Variants in PDE1A observed in about 807,000 individuals in gnomAD.
PDE1A encodes dual specificity calcium/calmodulin-dependent 3',5'-cyclic nucleotide phosphodiesterase 1A.
A neutral mutation model predicts 61.7 loss-of-function variants in PDE1A; 35 were observed. The observed-to-expected ratio is 0.57, with a 90% CI of 0.43 to 0.75. The LOEUF (loss-of-function observed/expected upper bound fraction) is 0.75, where lower values mean the gene tolerates loss of function less well. Ranked by LOEUF, PDE1A falls within the 30% of genes least tolerant of loss-of-function variation. The pLI is 0.00. For synonymous variants in PDE1A, 232 were observed against 213.2 expected (o/e 1.09, Z -0.77); for missense variants, 597 against 630.6 (o/e 0.95, Z 0.57).
the PDE1A span, among the ~76,000 whole-genome samples, chr2:182,590,780 T>C: frequency 2.6e-5 from 4 of 152,202 alleles, no homozygotes; most frequent in Admixed American, 6.5e-5. Flanking sequence ...AATATATCTG[T>C]TACGTAAAAT....
chr2:182,526,986 C>A (rs1381982598), upstream of PDE1A, among the ~76,000 whole-genome samples: 1 of 150,684 alleles, frequency 6.6e-6, no homozygotes, highest in Non-Finnish European at 1.5e-5. Flanking sequence ...TAAGTTATAA[C>A]AATGTTTAAA....
chr2:182,627,037 T>TTA, the PDE1A span, among the ~76,000 whole-genome samples: 24 of 388 alleles, frequency 0.062, 7 homozygotes, highest in African/African-American at 0.13. Context: ...TATAAATATA[T>TTA]ATATTATTTA....
rs945130489 is a variant in PDE1A, at chr2:182,187,818, C to T, written c.1207+1161G>A. 4.3e-5 allele frequency among the ~76,000 whole-genome samples: 6 copies of T among 139,096 alleles called. No homozygotes were observed. The Admixed American group carries it at 4.6e-4, about 11-fold the overall frequency. The allele number at this position is 139,096 out of a possible 152,430, so 91.3% of individuals were successfully genotyped here. ...GGAGTGCAGTGGTGCAATCTCGGCT[C>T]ACTGCAACCTCTGCCTCCTGGGTTC... On this transcript the variant is annotated intron_variant, in intron 11 of 13. Coordinates refer to ENST00000351439, the Ensembl canonical transcript of PDE1A.
chr2:182,570,454 C>T, the PDE1A span, among the ~76,000 whole-genome samples: 1 of 152,156 alleles, frequency 6.6e-6, no homozygotes. Context: ...AAATCCCTTT[C>T]TTATCACTAA....
intron 2 of PDE1A, among the ~76,000 whole-genome samples, chr2:182,447,863 T>C (rs1009177878): frequency 1.3e-5 from 2 of 152,216 alleles, no homozygotes; most frequent in Admixed American, 6.5e-5. Context: ...GCCTAAACTG[T>C]TTAAACAGGC....
At chr2:182,615,278 C>G in the PDE1A span, among the ~76,000 whole-genome samples, 1 of 152,086 alleles carries the variant, frequency 6.6e-6, no homozygotes, top group Admixed American at 6.5e-5. Context: ...TTGACTCCTC[C>G]TGGTATATGA....
intron 1 of PDE1A, among the ~76,000 whole-genome samples, chr2:182,354,449 T>C (rs1699066706): frequency 6.6e-6 from 1 of 152,166 alleles, no homozygotes; most frequent in Non-Finnish European, 1.5e-5. Flanking sequence ...TGCCTTAAGG[T>C]TGCATTCCAA....
intron 1 of PDE1A, among the ~76,000 whole-genome samples, chr2:182,387,474 G>A (rs528850093): frequency 7.2e-5 from 11 of 152,022 alleles, no homozygotes; most frequent in Admixed American, 5.2e-4. Flanking sequence ...AAGAGAGAGA[G>A]AGGTTGGGTG....
chr2:182,546,035 C>A, the PDE1A span, among the ~76,000 whole-genome samples: 3 of 152,194 alleles, frequency 2.0e-5, no homozygotes, highest in African/African-American at 7.2e-5. Context: ...TTGCTCCCTT[C>A]ATCCCCTCTG....
chr2:182,289,525 A>T (rs1459227565), intron 1 of PDE1A, among the ~76,000 whole-genome samples: 1 of 152,124 alleles, frequency 6.6e-6, no homozygotes, highest in Non-Finnish European at 1.5e-5. Context: ...CTGTGTTTTA[A>T]TATTGTATCT....
At chr2:182,690,708 G>C in the PDE1A span, among the ~76,000 whole-genome samples, 58 of 152,194 alleles carry the variant, frequency 3.8e-4, no homozygotes, top group Non-Finnish European at 5.3e-4. Context: ...AGAAATAAAG[G>C]GTATTCAATT....
the PDE1A span, among the ~76,000 whole-genome samples, chr2:182,716,688 TAC>T: frequency 1.3e-5 from 2 of 152,206 alleles, no homozygotes; most frequent in Non-Finnish European, 2.9e-5. Flanking sequence ...CTCAGTTACT[TAC>T]ACTTTCTCCC....
the PDE1A span, among the ~76,000 whole-genome samples, chr2:182,602,854 T>G: frequency 2.6e-5 from 4 of 152,146 alleles, no homozygotes; most frequent in Non-Finnish European, 5.9e-5. Flanking sequence ...TTCATGAAAC[T>G]GAAGATACCA....
At chr2:182,271,770 G>T (rs191089189) in intron 1 of PDE1A, among the ~76,000 whole-genome samples, 8 of 151,976 alleles carry the variant, frequency 5.3e-5, no homozygotes, top group African/African-American at 1.9e-4. Flanking sequence ...AGACAAAAGG[G>T]TATTTATGGT....
intron 1 of PDE1A, among the ~76,000 whole-genome samples, chr2:182,345,488 C>T (rs991730085): frequency 6.6e-6 from 1 of 152,118 alleles, no homozygotes; most frequent in Non-Finnish European, 1.5e-5. Context: ...TCCATGTTTC[C>T]CTATCTCACT....
chr2:182,214,538 C>A (rs1230764877), intron 7 of PDE1A, among the ~76,000 whole-genome samples: 1 of 151,782 alleles, frequency 6.6e-6, no homozygotes, highest in Non-Finnish European at 1.5e-5. Context: ...TGCAGAGACA[C>A]ACATAGGCTC....
chr2:182,448,130 T>G (rs1009439621), intron 2 of PDE1A, among the ~76,000 whole-genome samples: 1 of 152,124 alleles, frequency 6.6e-6, no homozygotes, highest in Non-Finnish European at 1.5e-5. Flanking sequence ...TTCTTTTAAT[T>G]TGCAAGTCTT....
intron 1 of PDE1A, among the ~76,000 whole-genome samples, chr2:182,281,990 C>T (rs550566443): frequency 3.5e-4 from 53 of 151,950 alleles, no homozygotes; most frequent in African/African-American, 1.2e-3. Context: ...AAATCATTCA[C>T]CCCATACCTG....
chr2:182,285,151 CT>C (rs1438068996), intron 1 of PDE1A, among the ~76,000 whole-genome samples: 42 of 152,296 alleles, frequency 2.8e-4, no homozygotes, highest in African/African-American at 9.6e-4. Flanking sequence ...ACTGCAGCCA[CT>C]CTTGCTTCTG....
Sources: allele counts gnomAD v4.1 joint callset (sites outside exome capture counted in the v4.1 genomes callset), GRCh38; gene constraint gnomAD v4.1.1; transcripts MANE v1.5; gene names NCBI Gene and HGNC (gene_info 2026-07-23, HGNC 2026-07-21).